Variants in HMCN1 observed in about 807,000 individuals in gnomAD.
The protein encoded by HMCN1 is hemicentin 1, also known as hemicentin-1.
A neutral mutation model predicts 625.9 loss-of-function variants in HMCN1; 321 were observed. The observed-to-expected ratio is 0.51, with a 90% CI of 0.47 to 0.56. HMCN1 has a LOEUF of 0.56. Ranked by LOEUF, HMCN1 falls within the 20% of genes least tolerant of loss-of-function variation. The pLI is 0.00. For synonymous variants in HMCN1, 2,425 were observed against 2,417.6 expected (o/e 1.00, Z -0.09); for missense variants, 6,588 against 6,887.3 (o/e 0.96, Z 1.54).
chr1:186,039,595 G>T, intron 38 of HMCN1, 133 bp from the exon 39 acceptor site: 1 of 906,284 alleles, frequency 1.1e-6, no homozygotes. Flanking sequence ...AGAGAGATGT[G>T]AAAGAACTTA....
At chr1:185,833,342 T>G (rs1660981795) in intron 1 of HMCN1, among the ~76,000 whole-genome samples, 1 of 152,204 alleles carries the variant, frequency 6.6e-6, no homozygotes, top group Non-Finnish European at 1.5e-5. Context: ...TTTACATTAT[T>G]AAGAAGACAT....
chr1:186,051,934 C>T (rs1275121550), intron 42 of HMCN1, among the ~76,000 whole-genome samples: 1 of 151,870 alleles, frequency 6.6e-6, no homozygotes, highest in Non-Finnish European at 1.5e-5. Context: ...GAGAAATGTT[C>T]TAGATGATGG....
At chr1:186,147,003 C>T (rs572269794) in intron 93 of HMCN1, among the ~76,000 whole-genome samples, 14 of 152,276 alleles carry the variant, frequency 9.2e-5, no homozygotes, top group Admixed American at 4.6e-4. Flanking sequence ...AATTAGTGGT[C>T]CTAATACTCC....
At chr1:186,103,415 C>A in intron 68 of HMCN1, 57 bp from the exon 69 acceptor site, 1 of 1,432,836 alleles carries the variant, frequency 7.0e-7, no homozygotes. Context: ...GTTTTTCTAA[C>A]GAGCAATATT....
intron 4 of HMCN1, among the ~76,000 whole-genome samples, chr1:185,887,442 T>A (rs991738189): frequency 6.6e-6 from 1 of 150,828 alleles, no homozygotes; most frequent in Non-Finnish European, 1.5e-5. Flanking sequence ...TATCTCCCAA[T>A]GCTATCCCTC....
chr1:186,108,736 G>T, intron 71 of HMCN1, 139 bp downstream of exon 71: 1 of 1,039,948 alleles, frequency 9.6e-7, no homozygotes, highest in South Asian at 1.4e-5. Context: ...GTAAGCACAG[G>T]GTTTTTAAAT....
intron 4 of HMCN1, among the ~76,000 whole-genome samples, chr1:185,870,525 A>T (rs1288161607): frequency 6.6e-6 from 1 of 152,120 alleles, no homozygotes; most frequent in Non-Finnish European, 1.5e-5. Flanking sequence ...ATTCTAATAG[A>T]TGTTACCATT....
chr1:185,940,534 G>A (rs1463929672), intron 11 of HMCN1, among the ~76,000 whole-genome samples: 1 of 152,176 alleles, frequency 6.6e-6, no homozygotes, highest in Non-Finnish European at 1.5e-5. Flanking sequence ...GAAAAAAATA[G>A]ACCTTCTTTC....
intron 89 of HMCN1, among the ~76,000 whole-genome samples, chr1:186,143,826 G>T (rs1277486717): frequency 6.6e-6 from 1 of 152,120 alleles, no homozygotes; most frequent in Non-Finnish European, 1.5e-5. Context: ...ACTTTCTCCA[G>T]AGCAAAGAAC....
chr1:185,925,617 A>G (rs969538588), intron 9 of HMCN1, among the ~76,000 whole-genome samples: 1 of 152,200 alleles, frequency 6.6e-6, no homozygotes, highest in African/African-American at 2.4e-5. Context: ...AAGTGTTATG[A>G]TAAGTGAATC....
chr1:185,858,079 T>A (rs189745724), intron 2 of HMCN1, among the ~76,000 whole-genome samples: 1 of 152,298 alleles, frequency 6.6e-6, no homozygotes, highest in Admixed American at 6.5e-5. Context: ...CACTTACTAG[T>A]TGTGTGACCC....
At chr1:185,975,869 G>C (rs75279964) in intron 15 of HMCN1, among the ~76,000 whole-genome samples, 93 of 151,754 alleles carry the variant, frequency 6.1e-4, no homozygotes, top group African/African-American at 2.1e-3. Flanking sequence ...GAAGGTTGCT[G>C]TACACACTTA....
rs1657862865 is a variant in HMCN1, at chr1:185,789,670, CA to C, written c.268+54624del. On this transcript the variant is annotated intron_variant, in intron 1 of 106. Transcript: ENST00000271588. Reference sequence around the variant, plus strand: ...ATGATACTTTCTCTACCACATTTCTCAGTGAAGGCCATTTCTGTGATTGTGG... The same window carrying C: ...ATGATACTTTCTCTACCACATTTCTCGTGAAGGCCATTTCTGTGATTGTGG... Among the ~76,000 whole-genome samples, 7 of 152,180 alleles carry C rather than the reference CA, an allele frequency of 4.6e-5. No individual in the cohort carries two copies. The South Asian group carries it at 1.4e-3, about 32-fold the overall frequency.
intron 2 of HMCN1, among the ~76,000 whole-genome samples, chr1:185,857,313 A>G (rs1478399382): frequency 6.6e-6 from 1 of 152,222 alleles, no homozygotes; most frequent in Non-Finnish European, 1.5e-5. Flanking sequence ...CAATCAAAAT[A>G]TTGAGCAGGA....
chr1:185,815,552 C>T (rs993614439), intron 1 of HMCN1, among the ~76,000 whole-genome samples: 1 of 149,448 alleles, frequency 6.7e-6, no homozygotes, highest in African/African-American at 2.6e-5. Flanking sequence ...TTTAATTATC[C>T]ACTTCTATTA....
intron 52 of HMCN1, 28 bp downstream of exon 52, chr1:186,070,785 A>G: frequency 1.2e-6 from 2 of 1,611,218 alleles, no homozygotes. Context: ...TCATTTGCTG[A>G]TGATTTCTTA....
intron 1 of HMCN1, among the ~76,000 whole-genome samples, chr1:185,806,674 G>A (rs1473590282): frequency 6.6e-6 from 1 of 151,680 alleles, no homozygotes; most frequent in Non-Finnish European, 1.5e-5. Context: ...CGATGGCATT[G>A]CATCTTGCTT....
At chr1:185,879,032 A>T (rs1385874024) in intron 4 of HMCN1, among the ~76,000 whole-genome samples, 1 of 152,182 alleles carries the variant, frequency 6.6e-6, no homozygotes, top group Non-Finnish European at 1.5e-5. Flanking sequence ...TCCAGGCTCA[A>T]GTGGCCTGAG....
chr1:185,864,661 T>C (rs761546081), intron 3 of HMCN1, 33 bp downstream of exon 3: 1 of 1,604,714 alleles, frequency 6.2e-7, no homozygotes, highest in Non-Finnish European at 8.5e-7. Flanking sequence ...CGTCTCTGTC[T>C]AAATGCAGTA....
Sources: allele counts gnomAD v4.1 joint callset (sites outside exome capture counted in the v4.1 genomes callset), GRCh38; gene constraint gnomAD v4.1.1; transcripts MANE v1.5; gene names NCBI Gene and HGNC (gene_info 2026-07-23, HGNC 2026-07-21).